The following SMAD6 variants were observed in gnomAD, a reference collection of about 807,000 sequenced individuals.
SMAD6 encodes SMAD family member 6.
In SMAD6, 103 loss-of-function variants were observed where a neutral mutation model predicts 39.4. The observed-to-expected ratio is 2.62, with a 90% CI of 2.23 to 3.08. The LOEUF (loss-of-function observed/expected upper bound fraction) is 3.08, where lower values mean the gene tolerates loss of function less well. Among genes scored for constraint, SMAD6 ranks in the 30% most tolerant of loss-of-function variants. The probability of loss-of-function intolerance (pLI) is 0.00; values close to 1 mark genes in which losing one functional copy is unlikely to be tolerated. For synonymous variants in SMAD6, 445 were observed against 353.3 expected (o/e 1.26, Z -2.91); for missense variants, 1,104 against 742.9 (o/e 1.49, Z -5.65).
chr15:66,751,778 C>T (rs1894010518), intron 3 of SMAD6, among the ~76,000 whole-genome samples: 1 of 152,216 alleles, frequency 6.6e-6, no homozygotes, highest in Admixed American at 6.5e-5. Flanking sequence ...TGGTGCCAGG[C>T]ACAGAGCAGG....
intron 3 of SMAD6, among the ~76,000 whole-genome samples, chr15:66,745,466 T>G (rs931695832): frequency 5.9e-5 from 9 of 152,012 alleles, no homozygotes; most frequent in African/African-American, 2.2e-4. Context: ...CTCGCTCCTG[T>G]TCTCTTCTAC....
chr15:66,767,668 G>A (rs1442114052), intron 3 of SMAD6, among the ~76,000 whole-genome samples: 1 of 152,220 alleles, frequency 6.6e-6, no homozygotes. Flanking sequence ...ACTGCATTCT[G>A]TGCAGCAAAT....
intron 3 of SMAD6, among the ~76,000 whole-genome samples, chr15:66,738,035 C>T (rs1252476341): frequency 2.0e-5 from 3 of 152,208 alleles, no homozygotes; most frequent in East Asian, 3.8e-4. Context: ...AGTTCAGTGG[C>T]GTCAAGGACA....
intron 3 of SMAD6, among the ~76,000 whole-genome samples, chr15:66,741,993 C>T (rs1036552808): frequency 4.6e-5 from 7 of 152,198 alleles, no homozygotes; most frequent in African/African-American, 1.7e-4. Flanking sequence ...GAGGAGGAAG[C>T]CAGACTGGGG....
chr15:66,761,825 C>T (rs769151877), intron 3 of SMAD6, among the ~76,000 whole-genome samples: 2 of 152,206 alleles, frequency 1.3e-5, no homozygotes, highest in East Asian at 1.9e-4. Context: ...TGCTGCTAGA[C>T]GGTACATTCC....
In SMAD6 at chr15:66,711,660, TCTTCCAGAATCTCCG is replaced by T; in HGVS notation, c.818-6_826del. On this transcript the variant is annotated splice_acceptor_variant and splice_polypyrimidine_tract_variant and coding_sequence_variant and intron_variant, in exon 2 of 4. Transcript: ENST00000288840. LOFTEE classifies it high-confidence loss of function. ...CCTGGCAGTGACATGCTGTCTCCTG[TCTTCCAGAATCTCCG>T]CCACCTCCCTACTCTCGGCTGTCTC... 1 of 1,613,070 alleles carries T rather than the reference TCTTCCAGAATCTCCG, an allele frequency of 6.2e-7. No individual in the cohort carries two copies. Among genetic ancestry groups the T allele is most frequent in the Non-Finnish European group, 8.5e-7 (1 of 1,179,116 alleles).
Position 66,781,966 on chromosome 15 carries a change from G to GATT in SMAD6, c.*433_*434insTAT. On this transcript the variant is annotated 3_prime_UTR_variant, in exon 4 of 4. Coordinates refer to ENST00000288840, the MANE Select transcript of SMAD6 (RefSeq NM_005585.5). ...GACAAAAAGCTAATACCAGTCACTC[G>GATT]ATAATAAAGTATTCGCATTATAGTT... 2.5e-6 allele frequency: 1 copy of GATT among 398,848 alleles called. No homozygotes were observed. The highest frequency in any genetic ancestry group is 4.4e-6 in the Non-Finnish European group (1 of 226,052). 24.7% of individuals were successfully genotyped at this position (398,848 alleles called of 1,614,324 possible). A position where few individuals can be genotyped will look rare whatever the true frequency, so the allele number is the denominator to read the frequency against.
At chr15:66,740,704 G>T (rs1893798747) in intron 3 of SMAD6, 1 of 152,206 alleles carries the variant, frequency 6.6e-6, no homozygotes. Context: ...CGGTGGGACT[G>T]TTTTATCCTG....
intron 3 of SMAD6, among the ~76,000 whole-genome samples, chr15:66,731,142 A>G (rs1253557707): frequency 6.6e-6 from 1 of 152,226 alleles, no homozygotes; most frequent in Non-Finnish European, 1.5e-5. Context: ...ATTACCCTTA[A>G]AAGTTCCTTG....
At chr15:66,730,098 G>A (rs774939998) in intron 3 of SMAD6, among the ~76,000 whole-genome samples, 2 of 152,164 alleles carry the variant, frequency 1.3e-5, no homozygotes, top group Non-Finnish European at 2.9e-5. Flanking sequence ...TGGGTGCCCC[G>A]CTGATGCATG....
intron 3 of SMAD6, among the ~76,000 whole-genome samples, chr15:66,738,946 G>A (rs2140633870): frequency 6.6e-6 from 1 of 152,258 alleles, no homozygotes; most frequent in Non-Finnish European, 1.5e-5. Flanking sequence ...GCCCTCATCT[G>A]GCTGCAAATG....
At chr15:66,716,620 ATCCTT>A in intron 3 of SMAD6, 122 bp downstream of exon 3, 1 of 775,276 alleles carries the variant, frequency 1.3e-6, no homozygotes, top group Non-Finnish European at 2.2e-6. Flanking sequence ...TTTTCCTCCA[ATCCTT>A]GGATGGGAAG....
At chr15:66,714,018 C>T (rs1595764575) in intron 2 of SMAD6, among the ~76,000 whole-genome samples, 1 of 152,286 alleles carries the variant, frequency 6.6e-6, no homozygotes, top group Middle Eastern at 3.4e-3. Context: ...GTCCTTCCCT[C>T]GGAGGCCTGT....
chr15:66,708,629 TG>T, intron 1 of SMAD6: 1 of 436,840 alleles, frequency 2.3e-6, no homozygotes, highest in Non-Finnish European at 5.0e-6. Context: ...TGCTACAACA[TG>T]GATGAACTTC....
intron 3 of SMAD6, among the ~76,000 whole-genome samples, chr15:66,719,762 C>CCGCA (rs1893398974): frequency 6.6e-6 from 1 of 152,170 alleles, no homozygotes; most frequent in Non-Finnish European, 1.5e-5. Context: ...GGGCGAGGGG[C>CCGCA]CGCAGGAAAG....
At chr15:66,713,692 T>A (rs1196445781) in intron 2 of SMAD6, among the ~76,000 whole-genome samples, 1 of 152,192 alleles carries the variant, frequency 6.6e-6, no homozygotes, top group Non-Finnish European at 1.5e-5. Flanking sequence ...CCTCTCCTGC[T>A]GTGAAGTCAG....
Position 66,703,753 on chromosome 15 carries a change from G to A in SMAD6, c.495G>A (p.Leu165=), listed in dbSNP as rs749500105. Reference sequence around the variant, plus strand: ...GGAGTCGCGAAGCGCGCTCGCGGCTGCTGCTGCTGGAGCAGGAACTCAAAA... The same window carrying A: ...GGAGTCGCGAAGCGCGCTCGCGGCTACTGCTGCTGGAGCAGGAACTCAAAA... The part of the protein sequence containing the change: ...GGRSREARSR[L]LLLEQELKTV... Residue 165 remains leucine, a synonymous_variant, in exon 1 of 4, where the codon CTG becomes CTA. Transcript: ENST00000288840. 38 of 1,398,512 alleles carry A rather than the reference G, an allele frequency of 2.7e-5. No homozygotes were observed. In the South Asian group the frequency reaches 4.0e-4, roughly 15 times the overall value. The allele number at this position is 1,398,512 out of a possible 1,614,324, so 86.6% of individuals were successfully genotyped here.
chr15:66,764,501 G>A (rs1006034737), intron 3 of SMAD6, among the ~76,000 whole-genome samples: 1 of 152,060 alleles, frequency 6.6e-6, no homozygotes, highest in Non-Finnish European at 1.5e-5. Flanking sequence ...AAGATATGGG[G>A]CCAAGTCATC....
intron 3 of SMAD6, among the ~76,000 whole-genome samples, chr15:66,766,206 TG>T (rs1292631516): frequency 3.3e-5 from 5 of 149,360 alleles, no homozygotes; most frequent in African/African-American, 1.0e-4. Flanking sequence ...GTGGAAGGGA[TG>T]GGGGGCAGGG....
Sources: allele counts gnomAD v4.1 joint callset (sites outside exome capture counted in the v4.1 genomes callset), GRCh38; gene constraint gnomAD v4.1.1; transcripts MANE v1.5; gene names NCBI Gene and HGNC (gene_info 2026-07-23, HGNC 2026-07-21).